The following NCMAP variants were observed in gnomAD, a reference collection of about 807,000 sequenced individuals.
NCMAP encodes noncompact myelin-associated protein.
A neutral mutation model predicts 7.8 loss-of-function variants in NCMAP; 8 were observed. That is an observed-to-expected ratio of 1.02 (90% CI 0.60 to 1.84). The LOEUF is 1.84. Among genes scored for constraint, NCMAP ranks in the 40% most tolerant of loss-of-function variants. The pLI is 0.00. For missense variants in NCMAP, 112 were observed against 131.4 expected, an observed-to-expected ratio of 0.85 and a Z score of 0.72; for synonymous variants, 41 against 52.9, an observed-to-expected ratio of 0.78 and a Z score of 0.98.
chr1:24,572,719 T>C (rs1199808702), intron 1 of NCMAP, among the ~76,000 whole-genome samples: 1 of 150,444 alleles, frequency 6.6e-6, no homozygotes, highest in African/African-American at 2.5e-5. Flanking sequence ...TCGTTCCTGC[T>C]CATGTTTGCA....
At chr1:24,564,997 C>A (rs2148925801) in intron 1 of NCMAP, among the ~76,000 whole-genome samples, 1 of 152,144 alleles carries the variant, frequency 6.6e-6, no homozygotes, top group East Asian at 1.9e-4. Flanking sequence ...GTGGAATACA[C>A]AAAGACCCAC....
At chr1:24,571,193 A>G (rs1651379291) in intron 1 of NCMAP, among the ~76,000 whole-genome samples, 1 of 150,604 alleles carries the variant, frequency 6.6e-6, no homozygotes, top group African/African-American at 2.5e-5. Context: ...AAGTAAAAAG[A>G]AGGCTGGGCA....
chr1:24,563,129 A>C (rs931499719), intron 1 of NCMAP, among the ~76,000 whole-genome samples: 1 of 152,282 alleles, frequency 6.6e-6, no homozygotes, highest in South Asian at 2.1e-4. Flanking sequence ...ATTATACTTA[A>C]GGAGATAAAG....
At chr1:24,568,702 G>A (rs1166329286) in intron 1 of NCMAP, among the ~76,000 whole-genome samples, 1 of 152,174 alleles carries the variant, frequency 6.6e-6, no homozygotes, top group African/African-American at 2.4e-5. Context: ...AGCCGAGCCA[G>A]GTCAGTCTGG....
intron 1 of NCMAP, among the ~76,000 whole-genome samples, chr1:24,561,646 C>T (rs1364504513): frequency 6.6e-6 from 1 of 152,124 alleles, no homozygotes; most frequent in East Asian, 1.9e-4. Context: ...CGCGGTGGCT[C>T]ATGCCTGTAA....
At chr1:24,558,789 C>G (rs1650974018) in intron 1 of NCMAP, among the ~76,000 whole-genome samples, 1 of 152,292 alleles carries the variant, frequency 6.6e-6, no homozygotes, top group African/African-American at 2.4e-5. Flanking sequence ...GACCATTTCT[C>G]CTAACTCCAA....
At chr1:24,572,963 A>G (rs1214769574) in intron 1 of NCMAP, among the ~76,000 whole-genome samples, 1 of 150,662 alleles carries the variant, frequency 6.6e-6, no homozygotes, top group Non-Finnish European at 1.5e-5. Context: ...GAGTTTGATA[A>G]GGATCCAATG....
At chr1:24,604,426 G>A (rs1359646791) in intron 3 of NCMAP, among the ~76,000 whole-genome samples, 1 of 148,462 alleles carries the variant, frequency 6.7e-6, no homozygotes. Context: ...AATACAAAAA[G>A]TTAGCCAGGC....
chr1:24,556,442 C>G (rs920234781), intron 1 of NCMAP, among the ~76,000 whole-genome samples: 4 of 152,144 alleles, frequency 2.6e-5, no homozygotes, highest in Admixed American at 6.5e-5. Context: ...CCCTCCCCAC[C>G]CAAGCATCTG....
intron 1 of NCMAP, among the ~76,000 whole-genome samples, chr1:24,580,500 G>C (rs751516675): frequency 1.5e-4 from 23 of 152,162 alleles, no homozygotes; most frequent in Non-Finnish European, 3.1e-4. Context: ...CACCAAGCTG[G>C]AGTGCAGTGG....
At chr1:24,594,458 A>C (rs958465416) in intron 1 of NCMAP, among the ~76,000 whole-genome samples, 18 of 152,166 alleles carry the variant, frequency 1.2e-4, no homozygotes, top group Admixed American at 2.6e-4. Flanking sequence ...CTTGCTCAGT[A>C]GGAGGGTGTA....
At position 24,605,667 on chromosome 1, in the gene NCMAP, G is replaced by T. The variant is rs146730255; in HGVS notation, c.229G>T (p.Val77Leu). Residue 77 changes from valine (V) to leucine (L), a missense_variant, in exon 4 of 4, where the codon GTG becomes TTG. By Grantham distance (32) the Val-to-Leu change is conservative (BLOSUM62 1). Transcript: ENST00000374392. Reference protein sequence around the residue: ...KGPKPTAPSAVGPNSNGSQHP... With the variant: ...KGPKPTAPSALGPNSNGSQHP... Reference sequence around the variant, plus strand: ...CCCCAAGCCAACCGCCCCTTCTGCCGTGGGCCCAAACAGCAACGGCAGCCA... The same window carrying T: ...CCCCAAGCCAACCGCCCCTTCTGCCTTGGGCCCAAACAGCAACGGCAGCCA... 6.2e-7 allele frequency: 1 copy of T among 1,614,144 alleles called. No homozygotes were observed. Among genetic ancestry groups the T allele is most frequent in the Admixed American group, 1.7e-5 (1 of 60,012 alleles).
At chr1:24,570,631 C>A (rs1416929225) in intron 1 of NCMAP, among the ~76,000 whole-genome samples, 1 of 150,996 alleles carries the variant, frequency 6.6e-6, no homozygotes, top group Non-Finnish European at 1.5e-5. Context: ...TTTAATGACC[C>A]CATGGTGCCA....
intron 1 of NCMAP, among the ~76,000 whole-genome samples, chr1:24,571,764 T>C (rs1651396560): frequency 6.7e-6 from 1 of 149,908 alleles, no homozygotes; most frequent in Admixed American, 6.6e-5. Flanking sequence ...TTTTGTGTTT[T>C]TGGTAGAGAC....
rs2148941934 is a variant in NCMAP at position 24,607,997 on chromosome 1, T to G, written c.*2250T>G. The G allele has an allele frequency of 6.6e-6, 1 of 152,360 alleles. No individual in the cohort carries two copies. The highest frequency in any genetic ancestry group is 2.4e-5 in the African/African-American group (1 of 41,584). The allele number at this position is 152,360 out of a possible 1,614,324, so 9.4% of individuals were successfully genotyped here. ...TAGCTCTGGAGAAATACTGGCACAT[T>G]CTTCCTCTCTGGTCATTATTTCTTC... On this transcript the variant is annotated 3_prime_UTR_variant, in exon 4 of 4. Transcript: ENST00000374392.
intron 1 of NCMAP, among the ~76,000 whole-genome samples, chr1:24,592,352 A>G (rs571271315): frequency 6.6e-6 from 1 of 152,260 alleles, no homozygotes; most frequent in African/African-American, 2.4e-5. Context: ...TTCGTCTAGT[A>G]TTCCCTGTGT....
intron 1 of NCMAP, among the ~76,000 whole-genome samples, chr1:24,573,003 G>T (rs553366773): frequency 1.3e-5 from 2 of 150,584 alleles, no homozygotes; most frequent in African/African-American, 5.0e-5. Flanking sequence ...CATGCCCAGT[G>T]GTGGGCATGG....
rs894702680 is a variant in NCMAP at position 24,606,176 on chromosome 1, T to C, written c.*429T>C. 6.3e-6 allele frequency: 1 copy of C among 157,942 alleles called. No individual in the cohort carries two copies. Among genetic ancestry groups the C allele is most frequent in the Non-Finnish European group, 1.4e-5 (1 of 72,040 alleles). 9.8% of individuals were successfully genotyped at this position (157,942 alleles called of 1,614,324 possible). On this transcript the variant is annotated 3_prime_UTR_variant, in exon 4 of 4. Transcript: ENST00000374392. ...ATCCACTGCTTCACAGAGCAAAACA[T>C]TCAATCCCATAACCAGGCACAGGGG...
At chr1:24,600,818 G>A (rs1440361978) in intron 2 of NCMAP, 122 bp from the exon 3 acceptor site, 3 of 818,530 alleles carry the variant, frequency 3.7e-6, no homozygotes, top group Non-Finnish European at 6.4e-6. Context: ...GAGTGTCCCA[G>A]GATGTTGCCT....
Sources: allele counts gnomAD v4.1 joint callset (sites outside exome capture counted in the v4.1 genomes callset), GRCh38; gene constraint gnomAD v4.1.1; transcripts MANE v1.5; gene names NCBI Gene and HGNC (gene_info 2026-07-23, HGNC 2026-07-21).